The following CAMSAP2 variants were observed in gnomAD, a reference collection of about 807,000 sequenced individuals.
The protein encoded by CAMSAP2 is calmodulin-regulated spectrin-associated protein 2.
CAMSAP2 carries 26 observed loss-of-function variants against 146.1 expected under a neutral mutation model. The observed-to-expected ratio is 0.18, with a 90% CI of 0.13 to 0.25. CAMSAP2 has a LOEUF of 0.25. Ranked by LOEUF, CAMSAP2 falls within the 10% of genes least tolerant of loss-of-function variation. The probability of loss-of-function intolerance (pLI) is 1.00; values close to 1 mark genes in which losing one functional copy is unlikely to be tolerated. For synonymous variants in CAMSAP2, 499 were observed against 596.6 expected, an observed-to-expected ratio of 0.84 and a Z score of 2.38; for missense variants, 1,381 against 1,759.3, an observed-to-expected ratio of 0.78 and a Z score of 3.85.
chr1:200,800,269 A>C (rs1285602674), intron 2 of CAMSAP2, among the ~76,000 whole-genome samples: 1 of 152,092 alleles, frequency 6.6e-6, no homozygotes, highest in Non-Finnish European at 1.5e-5. Flanking sequence ...TGGGGTGTTC[A>C]AGTCTCCCAC....
At position 200,853,933 on chromosome 1, in the gene CAMSAP2, G is replaced by A. The variant is rs1667686881; in HGVS notation, c.3823+438G>A. Reference sequence around the variant, plus strand: ...AAAATCCAAACTTATAATATCTGGAGTTGAGAGAATATATTTTCTTTAAAA... The same window carrying A: ...AAAATCCAAACTTATAATATCTGGAATTGAGAGAATATATTTTCTTTAAAA... On this transcript the variant is annotated intron_variant, in intron 13 of 16. Transcript: ENST00000358823. This position sits in a 1 kb window ranked among gnomAD's most constrained non-coding sequence, Gnocchi z 5.1. Among the ~76,000 whole-genome samples the A allele has an allele frequency of 6.6e-6, 1 of 152,150 alleles. No homozygotes were observed. Among genetic ancestry groups the A allele is most frequent in the Non-Finnish European group, 1.5e-5 (1 of 68,030 alleles).
At chr1:200,764,362 A>G (rs912067886) in intron 2 of CAMSAP2, among the ~76,000 whole-genome samples, 15 of 152,196 alleles carry the variant, frequency 9.9e-5, no homozygotes, top group African/African-American at 3.6e-4. Flanking sequence ...CAGTATAAAA[A>G]TTTCCTGTGA....
chr1:200,780,574 T>C (rs1665402781), intron 2 of CAMSAP2, among the ~76,000 whole-genome samples: 1 of 152,196 alleles, frequency 6.6e-6, no homozygotes, highest in African/African-American at 2.4e-5. Flanking sequence ...TATGTATTTG[T>C]AGAGGCAGTG....
In CAMSAP2 at chr1:200,859,972, GAT is replaced by G. The variant is rs1175931254; in HGVS notation, c.*1916_*1917del. 1 of 152,626 alleles carries G rather than the reference GAT, an allele frequency of 6.6e-6. No individual in the cohort carries two copies. Among genetic ancestry groups the G allele is most frequent in the Non-Finnish European group, 1.5e-5 (1 of 67,938 alleles). The allele number at this position is 152,626 out of a possible 1,614,324, so 9.5% of individuals were successfully genotyped here. A position where few individuals can be genotyped will look rare whatever the true frequency, so the allele number is the denominator to read the frequency against. ...TTTCCCTCATCAAAGCAATCTTTGT[GAT>G]ATTACTTCGCTATTAAATAAAGAAA... On this transcript the variant is annotated 3_prime_UTR_variant, in exon 17 of 17. Transcript: ENST00000358823.
chr1:200,780,331 C>G (rs1436089756), intron 2 of CAMSAP2, among the ~76,000 whole-genome samples: 1 of 152,090 alleles, frequency 6.6e-6, no homozygotes, highest in South Asian at 2.1e-4. Flanking sequence ...TCAGCTGATA[C>G]AGTTAAAAAA....
At chr1:200,749,497 T>C (rs1195731061) in intron 1 of CAMSAP2, among the ~76,000 whole-genome samples, 3 of 152,232 alleles carry the variant, frequency 2.0e-5, no homozygotes, top group Non-Finnish European at 4.4e-5. Flanking sequence ...TTAGTATATT[T>C]AGTGTATCAT....
chr1:200,817,222 G>A (rs868658289), intron 4 of CAMSAP2, among the ~76,000 whole-genome samples: 12 of 70,584 alleles, frequency 1.7e-4, no homozygotes, highest in East Asian at 8.7e-4. Flanking sequence ...ACACACATAT[G>A]TGTGTGTATA....
In CAMSAP2 at chr1:200,849,927, G is replaced by T. The variant is rs749379760; in HGVS notation, c.3158G>T (p.Arg1053Leu). The T allele has an allele frequency of 1.9e-6, 3 of 1,614,134 alleles. No individual in the cohort carries two copies. The highest frequency in any genetic ancestry group is 2.2e-5 in the South Asian group (2 of 91,078). Residue 1053 changes from arginine to leucine, a missense_variant, in exon 11 of 17, where the codon CGT (arginine) becomes CTT (leucine). Arg to Leu is a moderately radical substitution (Grantham distance 102). This residue lies in a region of CAMSAP2 where 560 missense variants were observed against 715.9 expected (regional missense o/e 0.78). Coordinates refer to ENST00000358823, the MANE Select transcript of CAMSAP2 (RefSeq NM_203459.4). The surrounding 1 kb of genome is among the most constrained non-coding windows in gnomAD (Gnocchi z 6.3). ...ELESKGTLEQ[R>L]GHNPEEKEIK... is the part of the protein sequence containing the mutation. ...GAATCCAAAGGGACTTTGGAACAGC[G>T]TGGACATAATCCAGAAGAAAAGGAA...
intron 4 of CAMSAP2, among the ~76,000 whole-genome samples, chr1:200,817,153 C>T (rs1571792707): frequency 1.8e-5 from 2 of 114,136 alleles, no homozygotes; most frequent in Non-Finnish European, 3.4e-5. Context: ...TACACATACA[C>T]ACATACACAC....
In CAMSAP2 at chr1:200,852,386, C is replaced by T. The variant is rs182290403; in HGVS notation, c.3466-155C>T. Among the ~76,000 whole-genome samples, 14 of 152,232 alleles carry T rather than the reference C, an allele frequency of 9.2e-5. No homozygotes were observed. The East Asian group carries it at 2.1e-3, about 23-fold the overall frequency. ...CTGTTACCACTGTAGTTCCGTTCTT[C>T]CTTCATAATTTCTCAACCACACCCA... On this transcript the variant is annotated intron_variant, in intron 11 of 16. Coordinates refer to ENST00000358823, the MANE Select transcript of CAMSAP2 (RefSeq NM_203459.4).
At chr1:200,847,044 A>C (rs537178323) in intron 8 of CAMSAP2, among the ~76,000 whole-genome samples, 166 bp from the exon 9 acceptor site, 19 of 152,344 alleles carry the variant, frequency 1.2e-4, no homozygotes, top group Middle Eastern at 3.4e-3. Context: ...ATATAGATAC[A>C]TACTGTAATC....
At chr1:200,767,885 A>C (rs1244083527) in intron 2 of CAMSAP2, among the ~76,000 whole-genome samples, 1 of 152,194 alleles carries the variant, frequency 6.6e-6, no homozygotes, top group African/African-American at 2.4e-5. Flanking sequence ...ATATCTTTTG[A>C]TACCTTACAA....
intron 1 of CAMSAP2, among the ~76,000 whole-genome samples, chr1:200,758,482 T>A (rs1664708709): frequency 6.6e-6 from 1 of 152,210 alleles, no homozygotes; most frequent in South Asian, 2.1e-4. Context: ...GGCAGCTATA[T>A]TAAATTTAAA....
At chr1:200,818,203 A>G (rs2102183416) in intron 4 of CAMSAP2, among the ~76,000 whole-genome samples, 1 of 152,342 alleles carries the variant, frequency 6.6e-6, no homozygotes, top group East Asian at 1.9e-4. Flanking sequence ...CACATTATGA[A>G]CCAAATGGGG....
rs372097433 is a variant in CAMSAP2, at chr1:200,850,258, T to G, written c.3465+24T>G. The G allele has an allele frequency of 3.6e-5, 55 of 1,524,464 alleles. No individual in the cohort carries two copies. In the African/African-American group the frequency reaches 6.3e-4, roughly 17 times the overall value. The allele number at this position is 1,524,464 out of a possible 1,614,324, so 94.4% of individuals were successfully genotyped here. On this transcript the variant is annotated intron_variant, in intron 11 of 16. Coordinates refer to ENST00000358823, the MANE Select transcript of CAMSAP2 (RefSeq NM_203459.4). Reference sequence around the variant, plus strand: ...AGGTGTAGTATTAATCTGCATAGTTTTGGGCATCTTCATTAGATGAGTGTG... The same window carrying G: ...AGGTGTAGTATTAATCTGCATAGTTGTGGGCATCTTCATTAGATGAGTGTG...
rs1287185540 is a variant in CAMSAP2 at position 200,739,754 on chromosome 1, C to G, written c.-74C>G. 3 of 1,425,552 alleles carry G rather than the reference C, an allele frequency of 2.1e-6. No individual in the cohort carries two copies. The highest frequency in any genetic ancestry group is 2.9e-6 in the Non-Finnish European group (3 of 1,048,408). 88.3% of individuals were successfully genotyped at this position (1,425,552 alleles called of 1,614,324 possible). On this transcript the variant is annotated 5_prime_UTR_variant, in exon 1 of 17. Transcript: ENST00000358823. This position sits in a 1 kb window ranked among gnomAD's most constrained non-coding sequence, Gnocchi z 4.8. ...GGTTTGAGCTTGCTTCTCCCTCCCT[C>G]CCGACCCCCGTGGTGGCGAGGCCAC...
intron 2 of CAMSAP2, among the ~76,000 whole-genome samples, chr1:200,761,735 C>CAAA (rs34309759): frequency 3.5e-3 from 356 of 102,772 alleles, no homozygotes; most frequent in African/African-American, 0.011. Context: ...AACTCTGTCT[C>CAAA]AAAAAAAAAA....
At chr1:200,754,862 G>A (rs189511116) in intron 1 of CAMSAP2, among the ~76,000 whole-genome samples, 50 of 152,172 alleles carry the variant, frequency 3.3e-4, no homozygotes, top group African/African-American at 9.9e-4. Flanking sequence ...GATTACAGGC[G>A]TGAGCCACCG....
chr1:200,781,514 A>G (rs374076255), intron 2 of CAMSAP2, among the ~76,000 whole-genome samples: 38 of 151,480 alleles, frequency 2.5e-4, no homozygotes, highest in South Asian at 1.0e-3. Context: ...CATAAAGCCT[A>G]TGTTGTATAC....
Sources: gnomAD v4.1 joint callset for allele counts (sites outside exome capture counted in the v4.1 genomes callset) on GRCh38, gnomAD v4.1.1 for gene constraint, gnomAD v4.1.1 regional missense constraint, Gnocchi (gnomAD v3.1) non-coding constraint, MANE v1.5 for transcripts, NCBI Gene and HGNC (gene_info 2026-07-23, HGNC 2026-07-21) for gene names.